Variants in IP6K2 observed in about 807,000 individuals in gnomAD.
IP6K2 encodes ATP:1D-myo-inositol-hexakisphosphate phosphotransferase.
IP6K2 carries 9 observed loss-of-function variants against 43.3 expected under a neutral mutation model. The ratio of observed to expected loss-of-function variants is 0.21; its 90% CI spans 0.13 to 0.36. The LOEUF is 0.36. Among genes scored for constraint, IP6K2 ranks in the 10% least tolerant of loss-of-function variants. The pLI is 1.00. For synonymous variants in IP6K2, 209 were observed against 202.4 expected, an observed-to-expected ratio of 1.03 and a Z score of -0.28; for missense variants, 332 against 538.4, an observed-to-expected ratio of 0.62 and a Z score of 3.79.
At chr3:48,692,859 A>G in intron 3 of IP6K2, 95 bp downstream of exon 3, 2 of 846,798 alleles carry the variant, frequency 2.4e-6, no homozygotes, top group Non-Finnish European at 3.9e-6. Context: ...TACTAAATCC[A>G]CTTCAGTCCT....
chr3:48,703,181 C>A (rs567736243), intron 1 of IP6K2, among the ~76,000 whole-genome samples: 2 of 152,138 alleles, frequency 1.3e-5, no homozygotes, highest in Non-Finnish European at 2.9e-5. Flanking sequence ...CAAACAAAAC[C>A]CAAGTTCTTA....
chr3:48,688,912 G>A lies in IP6K2; in HGVS notation c.781-139C>T, dbSNP rs2077543257. On this transcript the variant is annotated intron_variant, in intron 5 of 5. Coordinates refer to ENST00000328631, the MANE Select transcript of IP6K2 (RefSeq NM_016291.4). This position sits in a 1 kb window ranked among gnomAD's most constrained non-coding sequence, Gnocchi z 5.1. ...GTACACCAGTTGCACATGAGCCACT[G>A]TCCACTATGCTCTCTGATCAGCCCC... is the stretch of plus-strand genomic sequence containing the variant. 1 of 920,270 alleles carries A rather than the reference G, an allele frequency of 1.1e-6. No individual in the cohort carries two copies. The highest frequency in any genetic ancestry group is 1.6e-6 in the Non-Finnish European group (1 of 622,398). The allele number at this position is 920,270 out of a possible 1,614,324, so 57.0% of individuals were successfully genotyped here.
At chr3:48,716,268 GT>G (rs2081182680) in intron 1 of IP6K2, among the ~76,000 whole-genome samples, 1 of 152,126 alleles carries the variant, frequency 6.6e-6, no homozygotes, top group Non-Finnish European at 1.5e-5. Flanking sequence ...TTGTTACCAC[GT>G]TCCAAAGTGC....
chr3:48,716,135 T>C (rs2081172015), intron 1 of IP6K2, among the ~76,000 whole-genome samples: 1 of 152,212 alleles, frequency 6.6e-6, no homozygotes, highest in African/African-American at 2.4e-5. Context: ...CTTAGTTCAC[T>C]TAAAATATTA....
intron 1 of IP6K2, among the ~76,000 whole-genome samples, chr3:48,715,047 C>G (rs2081039908): frequency 6.6e-6 from 1 of 152,020 alleles, no homozygotes; most frequent in Admixed American, 6.6e-5. Flanking sequence ...AGGACATTTC[C>G]TTGCCACCAG....
At chr3:48,700,600 C>G (rs1332617950) in intron 1 of IP6K2, among the ~76,000 whole-genome samples, 1 of 152,106 alleles carries the variant, frequency 6.6e-6, no homozygotes, top group Non-Finnish European at 1.5e-5. Context: ...CCACTCAGTC[C>G]CTCCCCCAAA....
At chr3:48,715,151 A>G (rs780257778) in intron 1 of IP6K2, among the ~76,000 whole-genome samples, 15 of 152,262 alleles carry the variant, frequency 9.9e-5, no homozygotes, top group Non-Finnish European at 1.9e-4. Context: ...AACATGCTTT[A>G]AAATGTAATA....
intron 2 of IP6K2, chr3:48,694,385 C>T (rs2078078735): frequency 1.3e-6 from 2 of 1,544,422 alleles, no homozygotes; most frequent in Non-Finnish European, 1.8e-6. Context: ...CCCAAAAGAA[C>T]CTAAGTTGTT....
Position 48,695,002 on chromosome 3 carries a change from T to C in IP6K2, c.202+88A>G. 1 of 1,611,734 alleles carries C rather than the reference T, an allele frequency of 6.2e-7. No individual in the cohort carries two copies. Among genetic ancestry groups the C allele is most frequent in the Non-Finnish European group, 8.5e-7 (1 of 1,178,900 alleles). ...GCACAGAGTGGGAGGGAGTGAGGGCTCCAGGGATGGCTGCCAGGGCCTTCC... is the reference window on the plus strand; with the variant it reads ...GCACAGAGTGGGAGGGAGTGAGGGCCCCAGGGATGGCTGCCAGGGCCTTCC... On this transcript the variant is annotated intron_variant, in intron 2 of 5. Transcript: ENST00000328631. The surrounding 1 kb of genome is among the most constrained non-coding windows in gnomAD (Gnocchi z 4.6).
At chr3:48,694,417 G>C (rs1163397395) in intron 2 of IP6K2, 1 of 1,547,694 alleles carries the variant, frequency 6.5e-7, no homozygotes, top group Non-Finnish European at 8.7e-7. Flanking sequence ...TATGTAACCA[G>C]GTAATGCACA....
At chr3:48,701,939 T>C (rs2079103927) in intron 1 of IP6K2, among the ~76,000 whole-genome samples, 1 of 151,830 alleles carries the variant, frequency 6.6e-6, no homozygotes, top group Non-Finnish European at 1.5e-5. Flanking sequence ...CATTGTCCAA[T>C]AGTTTCTACA....
intron 3 of IP6K2, among the ~76,000 whole-genome samples, 196 bp downstream of exon 3, chr3:48,692,758 T>A (rs1461204606): frequency 1.3e-5 from 2 of 152,252 alleles, no homozygotes; most frequent in Non-Finnish European, 2.9e-5. Flanking sequence ...TGCAGCTGTT[T>A]GCCCAAACTG....
At chr3:48,697,122 G>A (rs1221199714) in intron 1 of IP6K2, among the ~76,000 whole-genome samples, 4 of 151,154 alleles carry the variant, frequency 2.6e-5, no homozygotes, top group African/African-American at 7.3e-5. Flanking sequence ...CCAGGTTCAC[G>A]TCATTCTCCT....
chr3:48,709,888 C>T (rs1269057393), intron 1 of IP6K2, among the ~76,000 whole-genome samples: 2 of 151,732 alleles, frequency 1.3e-5, no homozygotes, highest in African/African-American at 4.8e-5. Context: ...AGTCACAGCA[C>T]TATGTCCTAA....
At chr3:48,693,220 A>G in intron 2 of IP6K2, 41 bp from the exon 3 acceptor site, 1 of 1,498,728 alleles carries the variant, frequency 6.7e-7, no homozygotes. Context: ...TTAATTTAGC[A>G]GGAAGAAGCG....
chr3:48,717,149 A>T lies in IP6K2; in HGVS notation c.-131+8T>A, dbSNP rs943023574. 6.5e-6 allele frequency: 1 copy of T among 154,820 alleles called. No homozygotes were observed. Among genetic ancestry groups the T allele is most frequent in the Non-Finnish European group, 1.5e-5 (1 of 68,228 alleles). The allele number at this position is 154,820 out of a possible 1,614,324, so 9.6% of individuals were successfully genotyped here. Reference sequence around the variant, plus strand: ...TCGGGCACTAGGGCCATAGGACGCGAGCTTTACCTGCCGCCTCAGCCGGGT... The same window carrying T: ...TCGGGCACTAGGGCCATAGGACGCGTGCTTTACCTGCCGCCTCAGCCGGGT... On this transcript the variant is annotated splice_region_variant and intron_variant, in intron 1 of 5. Coordinates refer to ENST00000328631, the MANE Select transcript of IP6K2 (RefSeq NM_016291.4).
At position 48,693,418 on chromosome 3, in the gene IP6K2, G is replaced by C; in HGVS notation, c.203-239C>G. The C allele has an allele frequency of 3.0e-6, 4 of 1,350,894 alleles. No homozygotes were observed. The South Asian group carries it at 5.2e-5, about 18-fold the overall frequency. The allele number at this position is 1,350,894 out of a possible 1,614,324, so 83.7% of individuals were successfully genotyped here. On this transcript the variant is annotated intron_variant, in intron 2 of 5. Transcript: ENST00000328631. ...AGTCTTCCTCTCTGATGTACTCAAC[G>C]AGGCAAGAGCCAAAGAATTACAAGA... is the stretch of plus-strand genomic sequence containing the variant.
At chr3:48,694,720 G>A (rs1411499176) in intron 2 of IP6K2, 2 of 1,507,380 alleles carry the variant, frequency 1.3e-6, no homozygotes, top group Non-Finnish European at 1.8e-6. Context: ...CTGGTTTCCT[G>A]GAGGACAAAA....
At position 48,695,486 on chromosome 3, in the gene IP6K2, C is replaced by A. The variant is rs950079869; in HGVS notation, c.-130-65G>T. ...GCGTGGGAAGTGCCTTAGAGCTGCT[C>A]ACCCTGCTCCTTCAGCAGAAAGACA... On this transcript the variant is annotated intron_variant, in intron 1 of 5. Coordinates refer to ENST00000328631, the MANE Select transcript of IP6K2 (RefSeq NM_016291.4). This position sits in a 1 kb window ranked among gnomAD's most constrained non-coding sequence, Gnocchi z 4.6. 10 of 1,310,590 alleles carry A rather than the reference C, an allele frequency of 7.6e-6. 1 individual carries two copies. Among genetic ancestry groups the A allele is most frequent in the Admixed American group, 6.8e-5 (2 of 29,530 alleles). The allele number at this position is 1,310,590 out of a possible 1,614,324, so 81.2% of individuals were successfully genotyped here.
Sources: allele counts gnomAD v4.1 joint callset (sites outside exome capture counted in the v4.1 genomes callset), GRCh38; gene constraint gnomAD v4.1.1; non-coding constraint Gnocchi (gnomAD v3.1); transcripts MANE v1.5; gene names NCBI Gene and HGNC (gene_info 2026-07-23, HGNC 2026-07-21).